Variants in GCFC2 observed in about 807,000 individuals in gnomAD.
GCFC2 encodes GC-rich sequence DNA-binding factor 2.
Under a neutral mutation model 99.4 loss-of-function variants are expected in GCFC2, and 102 were observed. The observed-to-expected ratio is 1.03, with a 90% CI of 0.87 to 1.21. The LOEUF is 1.21. Ranked by LOEUF, GCFC2 falls within the 50% of genes most tolerant of loss-of-function variation. The pLI is 0.00. For synonymous variants in GCFC2, 338 were observed against 316.8 expected (o/e 1.07, Z -0.71); for missense variants, 973 against 920.9 (o/e 1.06, Z -0.73).
chr2:75,671,957 C>A lies in GCFC2; in HGVS notation c.1949G>T (p.Gly650Val), dbSNP rs1679107739. The change falls in exon 14 of 17, where the codon GGC becomes GTC. Residue 650 changes from glycine to valine, a missense_variant. By Grantham distance (109) the Gly-to-Val change is moderately radical (BLOSUM62 -3). Coordinates refer to ENST00000321027, the MANE Select transcript of GCFC2 (RefSeq NM_003203.5). ...TTTGCAGTTTTTGCTCACCTTTAGG[C>A]CTGACCAGAACTGTCTTTCTTGGAA... ...SKFQERQFWS[G>V]LKLFRNILLW... 6.4e-7 allele frequency: 1 copy of A among 1,572,196 alleles called. No individual in the cohort carries two copies. Among genetic ancestry groups the A allele is most frequent in the Non-Finnish European group, 8.7e-7 (1 of 1,144,180 alleles).
At chr2:75,685,330 CTT>C (rs1374811991) in intron 11 of GCFC2, among the ~76,000 whole-genome samples, 7 of 152,204 alleles carry the variant, frequency 4.6e-5, no homozygotes, top group African/African-American at 1.4e-4. Flanking sequence ...CAGTTTCTCT[CTT>C]CTCACTTGTT....
At chr2:75,665,771 A>G (rs1489369107) in intron 16 of GCFC2, among the ~76,000 whole-genome samples, 158 bp downstream of exon 16, 1 of 152,224 alleles carries the variant, frequency 6.6e-6, no homozygotes, top group Non-Finnish European at 1.5e-5. Context: ...GATATGCATA[A>G]GCCATCCCAA....
chr2:75,672,235 ATTTATAAATATG>A (rs1679127538), intron 13 of GCFC2, among the ~76,000 whole-genome samples: 2 of 132,294 alleles, frequency 1.5e-5, no homozygotes, highest in South Asian at 4.7e-4. Context: ...ATATTTATAT[ATTTATAAATATG>A]TTTATAAAAT....
At chr2:75,679,141 T>C (rs1441633132) in intron 12 of GCFC2, among the ~76,000 whole-genome samples, 1 of 152,264 alleles carries the variant, frequency 6.6e-6, no homozygotes, top group African/African-American at 2.4e-5. Context: ...TTACAGTTTA[T>C]GTGCATCTTA....
chr2:75,707,691 C>T (rs1463384582), intron 1 of GCFC2, among the ~76,000 whole-genome samples: 1 of 152,098 alleles, frequency 6.6e-6, no homozygotes, highest in Non-Finnish European at 1.5e-5. Flanking sequence ...CCCTGGAGGT[C>T]CTTGAGACTC....
chr2:75,669,892 T>C (rs553840835), intron 15 of GCFC2: 142 of 233,336 alleles, frequency 6.1e-4, no homozygotes, highest in African/African-American at 3.0e-3. Context: ...ACCTGGCTAA[T>C]TTTTGTATCT....
Position 75,710,647 on chromosome 2 carries a change from A to ACCCGGC in GCFC2, c.203_208dup (p.Gly68_Arg69dup), listed in dbSNP as rs1309270254. 2 of 1,518,340 alleles carry ACCCGGC rather than the reference A, an allele frequency of 1.3e-6. No individual in the cohort carries two copies. The highest frequency in any genetic ancestry group is 1.8e-6 in the Non-Finnish European group (2 of 1,139,726). The allele number at this position is 1,518,340 out of a possible 1,614,324, so 94.1% of individuals were successfully genotyped here. A position where few individuals can be genotyped will look rare whatever the true frequency, so the allele number is the denominator to read the frequency against. ...GGTGGCACGCCGGGAGCTCGCCCAG[A>ACCCGGC]CCCGGCCCCGGCCACGAGGGCCCCG... is the stretch of plus-strand genomic sequence containing the variant. On this transcript the variant is annotated inframe_insertion, in exon 1 of 17. Transcript: ENST00000321027.
intron 5 of GCFC2, among the ~76,000 whole-genome samples, chr2:75,695,536 T>G (rs957404598): frequency 6.6e-6 from 1 of 152,188 alleles, no homozygotes; most frequent in Non-Finnish European, 1.5e-5. Context: ...AAATATGTTA[T>G]AAAGACTAAA....
chr2:75,673,809 T>G (rs545599664), intron 12 of GCFC2, among the ~76,000 whole-genome samples: 2 of 152,234 alleles, frequency 1.3e-5, no homozygotes, highest in East Asian at 1.9e-4. Flanking sequence ...ATAAAAATTC[T>G]TGTACATGTC....
Position 75,666,131 on chromosome 2 carries a change from T to C in GCFC2, c.2104-78A>G, listed in dbSNP as rs112016250. The C allele has an allele frequency of 9.1e-4, 971 of 1,063,366 alleles. 9 individuals carry two copies. In the African/African-American group the frequency reaches 0.012, roughly 13 times the overall value. 65.9% of individuals were successfully genotyped at this position (1,063,366 alleles called of 1,614,324 possible). ...TGCTAATATAATCTCATAGTGATACTGTAAGCTGAGTATCATTCTCCCCAT... is the reference window on the plus strand; with the variant it reads ...TGCTAATATAATCTCATAGTGATACCGTAAGCTGAGTATCATTCTCCCCAT... On this transcript the variant is annotated intron_variant, in intron 15 of 16. Transcript: ENST00000321027.
chr2:75,701,196 G>C lies in GCFC2; in HGVS notation c.711C>G (p.Ile237Met). 6.5e-7 allele frequency: 1 copy of C among 1,541,144 alleles called. No homozygotes were observed. Among genetic ancestry groups the C allele is most frequent in the Non-Finnish European group, 9.0e-7 (1 of 1,113,826 alleles). ...EQQQMRKAVKIIEERDIDLSC... is the reference protein window; with the variant it reads ...EQQQMRKAVKMIEERDIDLSC... ...TGGGATAAAAAATGATTACCTCTATGATTTTAACTGCTTTCCTCATTTGCT... is the reference window on the plus strand; with the variant it reads ...TGGGATAAAAAATGATTACCTCTATCATTTTAACTGCTTTCCTCATTTGCT... Residue 237 changes from isoleucine to methionine, a missense_variant, in exon 4 of 17, where the codon ATC (isoleucine) becomes ATG (methionine). Transcript: ENST00000321027.
intron 10 of GCFC2, 35 bp from the exon 11 acceptor site, chr2:75,688,012 C>T: frequency 7.8e-7 from 1 of 1,282,650 alleles, no homozygotes; most frequent in Non-Finnish European, 1.1e-6. Flanking sequence ...ATAAAGAAAT[C>T]TTTCAACATT....
At chr2:75,669,157 G>C (rs1678975676) in intron 15 of GCFC2, among the ~76,000 whole-genome samples, 1 of 151,860 alleles carries the variant, frequency 6.6e-6, no homozygotes, top group African/African-American at 2.4e-5. Flanking sequence ...CACGTGTTTT[G>C]GCCATTTTTA....
chr2:75,709,252 T>A (rs1346925823), intron 1 of GCFC2, among the ~76,000 whole-genome samples: 1 of 152,110 alleles, frequency 6.6e-6, no homozygotes, highest in Non-Finnish European at 1.5e-5. Context: ...GAGGTCCAAT[T>A]CCCAAAGAGT....
At chr2:75,676,861 A>C (rs1386950674) in intron 12 of GCFC2, among the ~76,000 whole-genome samples, 2 of 152,212 alleles carry the variant, frequency 1.3e-5, no homozygotes, top group Non-Finnish European at 2.9e-5. Flanking sequence ...TTCTAATTCT[A>C]CCATCCACAA....
chr2:75,676,920 G>A (rs963707929), intron 12 of GCFC2, among the ~76,000 whole-genome samples: 77 of 152,230 alleles, frequency 5.1e-4, no homozygotes, highest in African/African-American at 1.7e-3. Context: ...TCATTAGTAT[G>A]TATTTTAACT....
At chr2:75,666,110 A>T in intron 15 of GCFC2, 57 bp from the exon 16 acceptor site, 1 of 1,384,738 alleles carries the variant, frequency 7.2e-7, no homozygotes, top group Non-Finnish European at 1.0e-6. Context: ...AAATCTTGCT[A>T]ATATAATCTC....
chr2:75,707,490 A>C (rs1489566557), intron 1 of GCFC2, among the ~76,000 whole-genome samples: 1 of 152,228 alleles, frequency 6.6e-6, no homozygotes, highest in Non-Finnish European at 1.5e-5. Context: ...CATTAATTTT[A>C]ATTTTCTACC....
Position 75,702,277 on chromosome 2 carries a change from C to T in GCFC2, c.541G>A (p.Glu181Lys). 6.2e-7 allele frequency: 1 copy of T among 1,613,588 alleles called. No individual in the cohort carries two copies. Among genetic ancestry groups the T allele is most frequent in the Non-Finnish European group, 8.5e-7 (1 of 1,179,508 alleles). Residue 181 changes from glutamate (E) to lysine (K), a missense_variant, in exon 3 of 17, where the codon GAG becomes AAG. Transcript: ENST00000321027. ...ATTCTCTTTTCATGGTCATCAGGCT[C>T]ACTCTCAGGGTCATCTTCGCTCTCT... ...KRESEDDPES[E>K]PDDHEKRIPF...
Sources: allele counts gnomAD v4.1 joint callset (sites outside exome capture counted in the v4.1 genomes callset), GRCh38; gene constraint gnomAD v4.1.1; transcripts MANE v1.5; gene names NCBI Gene and HGNC (gene_info 2026-07-23, HGNC 2026-07-21).